The following EFCAB6 variants were observed in gnomAD, a reference collection of about 807,000 sequenced individuals.
The protein encoded by EFCAB6 is EF-hand calcium binding domain 6.
In EFCAB6, 156 loss-of-function variants were observed where a neutral mutation model predicts 169.8. That is an observed-to-expected ratio of 0.92 (90% CI 0.81 to 1.05). The LOEUF is 1.05. Among genes scored for constraint, EFCAB6 ranks in the 50% least tolerant of loss-of-function variants. The pLI, the probability that EFCAB6 is intolerant of heterozygous loss-of-function variation, is 0.00. For synonymous variants in EFCAB6, 698 were observed against 676.4 expected (o/e 1.03, Z -0.50); for missense variants, 1,800 against 1,829.1 (o/e 0.98, Z 0.29).
Position 43,750,277 on chromosome 22 carries a change from G to C in EFCAB6, c.507+5489C>G, listed in dbSNP as rs367780220. 3.8e-4 allele frequency among the ~76,000 whole-genome samples: 58 copies of C among 152,214 alleles called. No homozygotes were observed. In the South Asian group the frequency reaches 0.012, roughly 31 times the overall value. Reference sequence around the variant, plus strand: ...TCTCAATATAATTTTTTAATAAAATGCCAACGGATTATTTTGTGGTGTGAG... The same window carrying C: ...TCTCAATATAATTTTTTAATAAAATCCCAACGGATTATTTTGTGGTGTGAG... On this transcript the variant is annotated intron_variant, in intron 6 of 31. Coordinates refer to ENST00000262726, the MANE Select transcript of EFCAB6 (RefSeq NM_022785.4).
intron 9 of EFCAB6, among the ~76,000 whole-genome samples, chr22:43,713,688 T>C (rs769236270): frequency 5.9e-5 from 9 of 152,230 alleles, no homozygotes; most frequent in Non-Finnish European, 1.0e-4. Flanking sequence ...CAACCACTTA[T>C]GGTGGCGCTG....
At position 43,678,128 on chromosome 22, in the gene EFCAB6, T is replaced by C; in HGVS notation, c.1287A>G (p.Arg429=). Residue 429 remains arginine (R), a synonymous_variant, in exon 13 of 32, where the codon CGA becomes CGG. Transcript: ENST00000262726. ...PDGPITREEF[R]YILNCMAVKL... Reference sequence around the variant, plus strand: ...TTACAGCCATGCAATTTAGAATATATCGAAATTCTTCTCTTGTTATCGGTC... The same window carrying C: ...TTACAGCCATGCAATTTAGAATATACCGAAATTCTTCTCTTGTTATCGGTC... The C allele has an allele frequency of 6.2e-7, 1 of 1,612,800 alleles. No homozygotes were observed. Among genetic ancestry groups the C allele is most frequent in the Non-Finnish European group, 8.5e-7 (1 of 1,179,882 alleles).
rs201951486 is a variant in EFCAB6, at chr22:43,528,873, G to A, written c.4486C>T (p.Leu1496Phe). 2 of 1,610,882 alleles carry A rather than the reference G, an allele frequency of 1.2e-6. No individual in the cohort carries two copies. The highest frequency in any genetic ancestry group is 1.7e-5 in the Admixed American group (1 of 60,002). ...LSSKISYNDF[L>F]RAFLQ ...GGTGTCTACTGGAGGAATGCCCGGA[G>A]GAAGTCGTTGTAGGAGATTTTTGAA... Residue 1496 changes from leucine to phenylalanine, a missense_variant, in exon 32 of 32, where the codon CTC becomes TTC. Leu to Phe is a conservative substitution (Grantham distance 22). Transcript: ENST00000262726.
chr22:43,594,144 G>A (rs1012912977), intron 23 of EFCAB6, among the ~76,000 whole-genome samples: 17 of 151,792 alleles, frequency 1.1e-4, no homozygotes, highest in Non-Finnish European at 1.8e-4. Flanking sequence ...GTGTGGTGGC[G>A]CATGCCTGTA....
chr22:43,576,227 T>C, intron 26 of EFCAB6, 70 bp downstream of exon 26: 1 of 1,347,456 alleles, frequency 7.4e-7, no homozygotes, highest in Non-Finnish European at 1.0e-6. Flanking sequence ...TTCTAATCAA[T>C]TATCCATTTT....
At chr22:43,668,728 T>C in intron 16 of EFCAB6, 144 bp downstream of exon 16, 1 of 720,194 alleles carries the variant, frequency 1.4e-6, no homozygotes, top group Non-Finnish European at 2.0e-6. Flanking sequence ...ATTCCCTGAC[T>C]CTAATTACTG....
At chr22:43,731,566 G>A in intron 8 of EFCAB6, 133 bp downstream of exon 8, 3 of 522,444 alleles carry the variant, frequency 5.7e-6, no homozygotes, top group Non-Finnish European at 9.6e-6. Flanking sequence ...TATAAATAAT[G>A]ATACCATGGC....
intron 6 of EFCAB6, among the ~76,000 whole-genome samples, chr22:43,751,557 G>A (rs769857910): frequency 6.6e-6 from 1 of 152,242 alleles, no homozygotes; most frequent in Non-Finnish European, 1.5e-5. Flanking sequence ...CCCACAGGCA[G>A]ACAGGGTGCA....
Position 43,744,901 on chromosome 22 carries a change from G to GCCT in EFCAB6, c.508-8909_508-8908insAGG, listed in dbSNP as rs1400244607. ...CTCCAGGGCCCTCGGGCTTGGAGGA[G>GCCT]CTGAGAAGGGCGTGCTGAACCAGCC... On this transcript the variant is annotated intron_variant, in intron 6 of 31. Coordinates refer to ENST00000262726, the MANE Select transcript of EFCAB6 (RefSeq NM_022785.4). The surrounding 1 kb of genome is among the most constrained non-coding windows in gnomAD (Gnocchi z 4.3). Among the ~76,000 whole-genome samples the GCCT allele has an allele frequency of 6.6e-6, 1 of 152,176 alleles. No homozygotes were observed. The highest frequency in any genetic ancestry group is 2.4e-5 in the African/African-American group (1 of 41,440).
intron 8 of EFCAB6, among the ~76,000 whole-genome samples, chr22:43,728,225 C>A (rs932091318): frequency 6.6e-6 from 1 of 152,106 alleles, no homozygotes; most frequent in Non-Finnish European, 1.5e-5. Context: ...ATCCATGTAC[C>A]AGCAAATGAC....
At chr22:43,658,679 G>A (rs2056864801) in intron 17 of EFCAB6, among the ~76,000 whole-genome samples, 1 of 152,186 alleles carries the variant, frequency 6.6e-6, no homozygotes, top group African/African-American at 2.4e-5. Flanking sequence ...GGCACAGCTG[G>A]ATGCCAAGAG....
chr22:43,540,613 A>G lies in EFCAB6; in HGVS notation c.3649-256T>C, dbSNP rs1343967802. The G allele has an allele frequency of 2.9e-6, 4 of 1,373,698 alleles. No individual in the cohort carries two copies. The African/African-American group carries it at 5.9e-5, about 20-fold the overall frequency. The allele number at this position is 1,373,698 out of a possible 1,614,324, so 85.1% of individuals were successfully genotyped here. ...CATTTTTTAATTGAATTGGGCCCTC[A>G]GTGAGCACTTTAAGGCCATTAAATC... On this transcript the variant is annotated intron_variant, in intron 27 of 31. Coordinates refer to ENST00000262726, the MANE Select transcript of EFCAB6 (RefSeq NM_022785.4).
intron 10 of EFCAB6, among the ~76,000 whole-genome samples, chr22:43,706,053 G>A (rs537153469): frequency 5.3e-5 from 8 of 152,306 alleles, no homozygotes; most frequent in Non-Finnish European, 1.0e-4. Flanking sequence ...ACAAAGGATC[G>A]TGAGACTATT....
rs200805525 is a variant in EFCAB6, at chr22:43,736,011, T to C, written c.508-18A>G. 1.8e-5 allele frequency: 28 copies of C among 1,592,486 alleles called. No individual in the cohort carries two copies. The East Asian group carries it at 5.0e-4, about 28-fold the overall frequency. On this transcript the variant is annotated intron_variant, in intron 6 of 31. Transcript: ENST00000262726. ...TTGAAAACCTATGTACAAAAAGTGA[T>C]TTAGGAAAAGTCAAAAGATCTAGTG...
At chr22:43,565,814 A>G (rs1056393334) in intron 26 of EFCAB6, among the ~76,000 whole-genome samples, 2 of 152,130 alleles carry the variant, frequency 1.3e-5, no homozygotes, top group African/African-American at 4.8e-5. Flanking sequence ...GGTAGCAAAA[A>G]CTCCTAATTA....
chr22:43,803,228 C>G (rs1480274744), intron 2 of EFCAB6, among the ~76,000 whole-genome samples: 1 of 152,126 alleles, frequency 6.6e-6, no homozygotes, highest in Non-Finnish European at 1.5e-5. Context: ...AGATGGTGCC[C>G]CTCAAAAGAG....
chr22:43,580,394 G>A (rs1043794305), intron 25 of EFCAB6, 70 bp downstream of exon 25: 1 of 1,531,988 alleles, frequency 6.5e-7, no homozygotes. Flanking sequence ...GGGGTTTCAG[G>A]GTGGGGCTGA....
intron 12 of EFCAB6, among the ~76,000 whole-genome samples, chr22:43,679,531 A>C (rs1381106181): frequency 3.3e-5 from 5 of 152,156 alleles, no homozygotes; most frequent in Admixed American, 3.3e-4. Flanking sequence ...TCTATAAGTC[A>C]CATTTAATTT....
intron 10 of EFCAB6, among the ~76,000 whole-genome samples, chr22:43,704,237 C>G (rs762299899): frequency 6.6e-6 from 1 of 151,790 alleles, no homozygotes; most frequent in Non-Finnish European, 1.5e-5. Context: ...GGGAAAAAAA[C>G]CCTGACAACC....
Sources: gnomAD v4.1 joint callset for allele counts (sites outside exome capture counted in the v4.1 genomes callset) on GRCh38, gnomAD v4.1.1 for gene constraint, Gnocchi (gnomAD v3.1) non-coding constraint, MANE v1.5 for transcripts, NCBI Gene and HGNC (gene_info 2026-07-23, HGNC 2026-07-21) for gene names.